Variants in SUMO2 observed in about 807,000 individuals in gnomAD.
SUMO2 encodes the protein small ubiquitin like modifier 2.
In SUMO2, 1 loss-of-function variant was observed where a neutral mutation model predicts 16.0. That is an observed-to-expected ratio of 0.06 (90% CI 0.02 to 0.30). The LOEUF (loss-of-function observed/expected upper bound fraction) is 0.30, where lower values mean the gene tolerates loss of function less well. Ranked by LOEUF, SUMO2 falls within the 10% of genes least tolerant of loss-of-function variation. The pLI is 1.00. For missense variants in SUMO2, 16 were observed against 117.5 expected, an observed-to-expected ratio of 0.14 and a Z score of 3.99; for synonymous variants, 36 against 40.6, an observed-to-expected ratio of 0.89 and a Z score of 0.43.
intron 3 of SUMO2, among the ~76,000 whole-genome samples, chr17:75,169,855 A>AG (rs1289648254): frequency 1.4e-5 from 2 of 144,288 alleles, no homozygotes; most frequent in African/African-American, 5.4e-5. Context: ...TCTCAAAAAA[A>AG]AAAAAAAAGG....
chr17:75,175,121 T>C (rs1019793001), intron 2 of SUMO2, among the ~76,000 whole-genome samples: 3 of 151,868 alleles, frequency 2.0e-5, no homozygotes, highest in African/African-American at 7.3e-5. Context: ...TAGCTGGGAC[T>C]ACGGTCCCCC....
At chr17:75,177,911 C>A (rs1164889180) in intron 2 of SUMO2, among the ~76,000 whole-genome samples, 1 of 144,434 alleles carries the variant, frequency 6.9e-6, no homozygotes, top group African/African-American at 2.6e-5. Flanking sequence ...ATTGCTTGAA[C>A]CCGGGAGGTG....
Position 75,181,129 on chromosome 17 carries a change from A to T in SUMO2, c.81T>A (p.Gly27=). Residue 27 remains glycine, a synonymous_variant, in exon 2 of 4, where the codon GGT becomes GGA. Transcript: ENST00000420826. ...TCTTAATCTTAAACTGCACCACAGA[A>T]CCATCCTGCCCCGCCACCTTCAAAT... ...HINLKVAGQD[G]SVVQFKIKRH... The T allele has an allele frequency of 6.2e-7, 1 of 1,614,064 alleles. No individual in the cohort carries two copies. The highest frequency in any genetic ancestry group is 8.5e-7 in the Non-Finnish European group (1 of 1,179,970).
intron 3 of SUMO2, among the ~76,000 whole-genome samples, chr17:75,171,113 G>C (rs985812167): frequency 6.7e-6 from 1 of 150,344 alleles, no homozygotes; most frequent in Admixed American, 6.6e-5. Context: ...GCAGCTTATT[G>C]TATGACTACA....
chr17:75,176,259 C>T (rs62085032), intron 2 of SUMO2, among the ~76,000 whole-genome samples: 18,718 of 151,952 alleles, frequency 0.12, 1,887 homozygotes, highest in East Asian at 0.51. Context: ...AGGATGGTCT[C>T]AATTTCCTGA....
chr17:75,177,564 C>A (rs1326223221), intron 2 of SUMO2, among the ~76,000 whole-genome samples: 2 of 152,020 alleles, frequency 1.3e-5, no homozygotes, highest in Admixed American at 6.6e-5. Context: ...TGCCTGTAAT[C>A]CCAGCTACTT....
chr17:75,175,211 A>T (rs998038247), intron 2 of SUMO2, among the ~76,000 whole-genome samples: 1 of 149,886 alleles, frequency 6.7e-6, no homozygotes, highest in Admixed American at 6.6e-5. Flanking sequence ...TCGAACTCCT[A>T]ACCTCAGGTG....
At chr17:75,169,516 TGGGACTACA>T (rs974176565) in intron 3 of SUMO2, among the ~76,000 whole-genome samples, 2 of 151,312 alleles carry the variant, frequency 1.3e-5, no homozygotes, top group African/African-American at 4.8e-5. Flanking sequence ...CCCGAGTAGC[TGGGACTACA>T]GGTGCCCGCC....
At chr17:75,177,700 A>C (rs891214556) in intron 2 of SUMO2, among the ~76,000 whole-genome samples, 25 of 151,800 alleles carry the variant, frequency 1.6e-4, no homozygotes, top group Admixed American at 5.3e-4. Context: ...AAAAGAAAAG[A>C]AAAGCCAGGC....
chr17:75,176,889 A>G (rs1291382077), intron 2 of SUMO2, among the ~76,000 whole-genome samples: 1 of 152,132 alleles, frequency 6.6e-6, no homozygotes, highest in Non-Finnish European at 1.5e-5. Context: ...ACCATCATCT[A>G]CTTAAAAACA....
intron 1 of SUMO2, among the ~76,000 whole-genome samples, chr17:75,182,058 G>C (rs2074833266): frequency 6.6e-6 from 1 of 152,104 alleles, no homozygotes; most frequent in South Asian, 2.1e-4. Context: ...GGAAGTCTCC[G>C]GGTGCCTCAA....
chr17:75,166,606 T>C lies in SUMO2; in HGVS notation c.*1733A>G, dbSNP rs1390099511. 2 of 152,200 alleles carry C rather than the reference T, an allele frequency of 1.3e-5. No individual in the cohort carries two copies. Among genetic ancestry groups the C allele is most frequent in the Non-Finnish European group, 2.9e-5 (2 of 68,066 alleles). 9.4% of individuals were successfully genotyped at this position (152,200 alleles called of 1,614,324 possible). A position where few individuals can be genotyped will look rare whatever the true frequency, so the allele number is the denominator to read the frequency against. ...GGGTTTGAGCCCGGCCTGGACAATA[T>C]GGCGAAACACTCTCTATAAAAAATA... is the stretch of plus-strand genomic sequence containing the variant. On this transcript the variant is annotated 3_prime_UTR_variant, in exon 4 of 4. Coordinates refer to ENST00000420826, the MANE Select transcript of SUMO2 (RefSeq NM_006937.4).
intron 3 of SUMO2, among the ~76,000 whole-genome samples, chr17:75,172,215 G>A (rs1382044737): frequency 6.6e-6 from 1 of 151,514 alleles, no homozygotes; most frequent in Non-Finnish European, 1.5e-5. Flanking sequence ...TAGAGACGGG[G>A]TAGTTTCGCC....
chr17:75,170,024 C>T (rs979925472), intron 3 of SUMO2, among the ~76,000 whole-genome samples: 2 of 151,432 alleles, frequency 1.3e-5, no homozygotes, highest in African/African-American at 4.9e-5. Flanking sequence ...AAAAAATTAG[C>T]TGGGCGTGGT....
At position 75,167,670 on chromosome 17, in the gene SUMO2, T is replaced by C. The variant is rs1432188659; in HGVS notation, c.*669A>G. On this transcript the variant is annotated 3_prime_UTR_variant, in exon 4 of 4. Transcript: ENST00000420826. ...GAAATGTTACTTCTAAGCAGGCCTA[T>C]TTATGTTTTTTCTAAGCCTCAATTT... 1 of 152,494 alleles carries C rather than the reference T, an allele frequency of 6.6e-6. No individual in the cohort carries two copies. The highest frequency in any genetic ancestry group is 1.5e-5 in the Non-Finnish European group (1 of 68,030). 9.4% of individuals were successfully genotyped at this position (152,494 alleles called of 1,614,324 possible).
intron 3 of SUMO2, 100 bp from the exon 4 acceptor site, chr17:75,168,501 A>C (rs1018853879): frequency 1.9e-5 from 18 of 963,228 alleles, no homozygotes; most frequent in Non-Finnish European, 2.7e-5. Context: ...ATGTTCCACT[A>C]AGTTCCAAGT....
intron 2 of SUMO2, among the ~76,000 whole-genome samples, 182 bp downstream of exon 2, chr17:75,180,875 A>T (rs1440791186): frequency 6.6e-6 from 1 of 152,130 alleles, no homozygotes; most frequent in East Asian, 1.9e-4. Context: ...ATACTAACCA[A>T]ATCATCCTAA....
At chr17:75,177,184 AAATT>A (rs1032196837) in intron 2 of SUMO2, among the ~76,000 whole-genome samples, 8 of 151,382 alleles carry the variant, frequency 5.3e-5, no homozygotes, top group Middle Eastern at 3.2e-3. Context: ...AAAAAAAAAA[AAATT>A]AATTAATTAA....
At chr17:75,182,383 C>G (rs1598230932) in intron 1 of SUMO2, 1 of 154,478 alleles carries the variant, frequency 6.5e-6, no homozygotes, top group Non-Finnish European at 1.4e-5. Context: ...GGTTCCTACC[C>G]GAGAGGTGAA....
Sources: allele counts gnomAD v4.1 joint callset (sites outside exome capture counted in the v4.1 genomes callset), GRCh38; gene constraint gnomAD v4.1.1; transcripts MANE v1.5; gene names NCBI Gene and HGNC (gene_info 2026-07-23, HGNC 2026-07-21).